The following SLC26A3 variants were observed in gnomAD, a reference collection of about 807,000 sequenced individuals.
SLC26A3 encodes solute carrier family 26 member 3.
SLC26A3 carries 64 observed loss-of-function variants against 85.6 expected under a neutral mutation model. The ratio of observed to expected loss-of-function variants is 0.75; its 90% CI spans 0.61 to 0.92. The LOEUF (loss-of-function observed/expected upper bound fraction) is 0.92. SLC26A3 is among the 40% of genes least tolerant of loss of function. The pLI is 0.00. For missense variants in SLC26A3, 922 were observed against 927.3 expected, an observed-to-expected ratio of 0.99 and a Z score of 0.07; for synonymous variants, 349 against 336.0, an observed-to-expected ratio of 1.04 and a Z score of -0.42.
chr7:107,794,353 T>G, intron 2 of SLC26A3, 26 bp downstream of exon 2: 1 of 1,613,008 alleles, frequency 6.2e-7, no homozygotes, highest in African/African-American at 1.3e-5. Context: ...GTATTCCTAA[T>G]GCCAATACCT....
chr7:107,796,562 G>T (rs969489381), intron 1 of SLC26A3, among the ~76,000 whole-genome samples: 2 of 152,178 alleles, frequency 1.3e-5, no homozygotes, highest in African/African-American at 4.8e-5. Flanking sequence ...ATTGTCAGAA[G>T]AACTTGCTCA....
Position 107,781,272 on chromosome 7 carries a change from A to C in SLC26A3, c.1312-1509T>G, listed in dbSNP as rs76309039. Among the ~76,000 whole-genome samples, 626 of 152,340 alleles carry C rather than the reference A, an allele frequency of 4.1e-3. 2 individuals are homozygous for C. Among genetic ancestry groups the C allele is most frequent in the African/African-American group, 0.014 (579 of 41,580 alleles). On this transcript the variant is annotated intron_variant, in intron 11 of 20. Coordinates refer to ENST00000340010, the MANE Select transcript of SLC26A3 (RefSeq NM_000111.3). ...CTCTGCTGACATGCAGTGAGCACTC[A>C]ATAAATACCTATTATGAGCTTTTAT...
intron 18 of SLC26A3, among the ~76,000 whole-genome samples, chr7:107,769,875 A>G (rs1467853583): frequency 6.6e-6 from 1 of 152,066 alleles, no homozygotes; most frequent in Non-Finnish European, 1.5e-5. Context: ...AGCTCCCCCT[A>G]AGTACTGTCA....
chr7:107,776,823 G>A, intron 13 of SLC26A3, 117 bp from the exon 14 acceptor site: 1 of 914,646 alleles, frequency 1.1e-6, no homozygotes, highest in Non-Finnish European at 1.8e-6. Context: ...GTAAAAGGTT[G>A]GGGAATCATC....
chr7:107,798,556 C>A (rs1481046719), intron 1 of SLC26A3, among the ~76,000 whole-genome samples: 2 of 152,090 alleles, frequency 1.3e-5, no homozygotes, highest in African/African-American at 4.8e-5. Flanking sequence ...TAATTTGAAC[C>A]AAGATGCTGA....
At position 107,774,774 on chromosome 7, in the gene SLC26A3, T is replaced by TA. The variant is rs1231648357; in HGVS notation, c.1773+2dup. 1 of 1,608,372 alleles carries TA rather than the reference T, an allele frequency of 6.2e-7. No individual in the cohort carries two copies. Among genetic ancestry groups the TA allele is most frequent in the East Asian group, 2.2e-5 (1 of 44,852 alleles). Reference sequence around the variant, plus strand: ...TGCATAGAAATGTGGTCAAGGAACTTACTGGTGTCACTTGTAGCAAGCCTT... The same window carrying TA: ...TGCATAGAAATGTGGTCAAGGAACTTAACTGGTGTCACTTGTAGCAAGCCTT... On this transcript the variant is annotated splice_region_variant and intron_variant, in intron 16 of 20. Transcript: ENST00000340010.
intron 11 of SLC26A3, among the ~76,000 whole-genome samples, chr7:107,780,893 C>G (rs1446136396): frequency 6.6e-6 from 1 of 152,174 alleles, no homozygotes; most frequent in Admixed American, 6.5e-5. Flanking sequence ...TATTGTACTA[C>G]AGCTGTGTAA....
At chr7:107,766,552 CT>C (rs1793918812) in intron 20 of SLC26A3, among the ~76,000 whole-genome samples, 1 of 152,144 alleles carries the variant, frequency 6.6e-6, no homozygotes. Flanking sequence ...CTAGAATGGC[CT>C]TTTCATCTGA....
intron 18 of SLC26A3, among the ~76,000 whole-genome samples, chr7:107,768,114 A>G (rs538183512): frequency 6.6e-6 from 1 of 152,366 alleles, no homozygotes; most frequent in South Asian, 2.1e-4. Context: ...AATAAAAAAA[A>G]TTTAATGCCC....
chr7:107,784,912 T>C (rs778952485), intron 8 of SLC26A3, among the ~76,000 whole-genome samples: 2 of 152,248 alleles, frequency 1.3e-5, no homozygotes, highest in Non-Finnish European at 2.9e-5. Context: ...AAATTATTTG[T>C]ATTTAGTGTA....
intron 8 of SLC26A3, among the ~76,000 whole-genome samples, chr7:107,783,602 C>T (rs1224056557): frequency 6.6e-6 from 1 of 152,168 alleles, no homozygotes; most frequent in African/African-American, 2.4e-5. Context: ...TATGATTTTG[C>T]CAGTAAAACC....
At position 107,796,007 on chromosome 7, in the gene SLC26A3, C is replaced by G. The variant is rs145781062; in HGVS notation, c.-88-1410G>C. On this transcript the variant is annotated intron_variant, in intron 1 of 20. Transcript: ENST00000340010. The stretch of plus-strand genomic sequence containing the variant: ...AGTTTCCTCTAAAGTCCTCTGTACT[C>G]ACTTTTGACCACAATATACTGCTTC... Among the ~76,000 whole-genome samples the G allele has an allele frequency of 2.0e-5, 3 of 152,188 alleles. No homozygotes were observed. In the East Asian group the frequency reaches 5.8e-4, roughly 29 times the overall value.
chr7:107,789,916 T>A (rs748039586), intron 5 of SLC26A3, among the ~76,000 whole-genome samples: 6 of 152,158 alleles, frequency 3.9e-5, no homozygotes, highest in Non-Finnish European at 2.9e-5. Context: ...GGTATTCACA[T>A]AGGATATAAG....
chr7:107,782,073 C>A (rs1163808616), intron 11 of SLC26A3, among the ~76,000 whole-genome samples: 1 of 152,118 alleles, frequency 6.6e-6, no homozygotes, highest in African/African-American at 2.4e-5. Context: ...TGCCCAAAAT[C>A]ACACAGATAA....
At chr7:107,801,925 C>CAAAAAA (rs11356401) in intron 1 of SLC26A3, among the ~76,000 whole-genome samples, 1 of 91,262 alleles carries the variant, frequency 1.1e-5, no homozygotes, top group Non-Finnish European at 2.4e-5. Context: ...ACTGAAAATA[C>CAAAAAA]AAAAAAAAAA....
intron 18 of SLC26A3, among the ~76,000 whole-genome samples, chr7:107,770,482 G>T (rs41667): frequency 0.7 from 106,042 of 150,922 alleles, 37,397 homozygotes; most frequent in African/African-American, 0.75. Flanking sequence ...AGTCTCAAAC[G>T]CTGGGGCTTA....
chr7:107,771,857 A>G (rs980494922), intron 18 of SLC26A3, among the ~76,000 whole-genome samples, 197 bp downstream of exon 18: 2 of 152,220 alleles, frequency 1.3e-5, no homozygotes, highest in East Asian at 3.8e-4. Flanking sequence ...AAATTGTAGA[A>G]TGTATTTAAT....
chr7:107,794,637 A>G (rs1794465670), intron 1 of SLC26A3, 40 bp from the exon 2 acceptor site: 5 of 987,224 alleles, frequency 5.1e-6, no homozygotes, highest in East Asian at 2.4e-5. Flanking sequence ...TAACTCAGAG[A>G]TAATGTGATG....
At position 107,767,773 on chromosome 7, in the gene SLC26A3, G is replaced by A. The variant is rs752324214; in HGVS notation, c.2198C>T (p.Pro733Leu). 1.9e-6 allele frequency: 3 copies of A among 1,613,580 alleles called. No individual in the cohort carries two copies. Among genetic ancestry groups the A allele is most frequent in the Non-Finnish European group, 2.5e-6 (3 of 1,179,786 alleles). Residue 733 changes from proline to leucine, a missense_variant, in exon 19 of 21, where the codon CCC (proline) becomes CTC (leucine). Physicochemically the swap from Pro to Leu is moderately conservative, Grantham distance 98. Coordinates refer to ENST00000340010, the MANE Select transcript of SLC26A3 (RefSeq NM_000111.3). The stretch of plus-strand genomic sequence containing the variant: ...TCACCAAAGAGCTGATACCTGACTG[G>A]GATTAAACTTTGAAGTACTGTAATC... ...KKDYSTSKFN[P>L]SQEKDGKIDF... is the part of the protein sequence containing the mutation.
Sources: gnomAD v4.1 joint callset for allele counts (sites outside exome capture counted in the v4.1 genomes callset) on GRCh38, gnomAD v4.1.1 for gene constraint, MANE v1.5 for transcripts, NCBI Gene and HGNC (gene_info 2026-07-23, HGNC 2026-07-21) for gene names.